The following CSNK2A2IP variants were observed in gnomAD, a reference collection of about 807,000 sequenced individuals.
The protein encoded by CSNK2A2IP is casein kinase 2 subunit alpha' interacting protein.
chr3:88,444,422 G>T, the CSNK2A2IP span, among the ~76,000 whole-genome samples: 3 of 152,130 alleles, frequency 2.0e-5, no homozygotes, highest in Non-Finnish European at 4.4e-5. Context: ...GCAAATTGCA[G>T]AAAACTGAAA....
At chr3:88,427,079 C>T in the CSNK2A2IP span, among the ~76,000 whole-genome samples, 4 of 152,236 alleles carry the variant, frequency 2.6e-5, no homozygotes, top group South Asian at 8.3e-4. Flanking sequence ...AAGTTTGAAA[C>T]TTCTTAGAGA....
At chr3:88,389,358 C>T in the CSNK2A2IP span, among the ~76,000 whole-genome samples, 1 of 152,108 alleles carries the variant, frequency 6.6e-6, no homozygotes, top group Non-Finnish European at 1.5e-5. Flanking sequence ...TGTAAAAGCC[C>T]TAAGGCTGGA....
chr3:88,382,611 C>T, the CSNK2A2IP span: 1 of 152,076 alleles, frequency 6.6e-6, no homozygotes, highest in Non-Finnish European at 1.5e-5. Context: ...CTTTTTCCAT[C>T]AAGAAAATAT....
At chr3:88,374,366 AT>A in the CSNK2A2IP span, among the ~76,000 whole-genome samples, 1 of 151,590 alleles carries the variant, frequency 6.6e-6, no homozygotes. Flanking sequence ...GTTTGATGGA[AT>A]GGTATTGTCT....
the CSNK2A2IP span, among the ~76,000 whole-genome samples, chr3:88,457,871 G>A: frequency 6.6e-6 from 1 of 151,718 alleles, no homozygotes; most frequent in African/African-American, 2.4e-5. Flanking sequence ...GGTCATCAAC[G>A]AAGTCATCAG....
At chr3:88,370,803 C>T in the CSNK2A2IP span, among the ~76,000 whole-genome samples, 2 of 151,598 alleles carry the variant, frequency 1.3e-5, no homozygotes, top group African/African-American at 4.8e-5. Flanking sequence ...ACCAATTAGT[C>T]CCAAGGAACT....
chr3:88,410,054 A>G, the CSNK2A2IP span, among the ~76,000 whole-genome samples: 1 of 152,076 alleles, frequency 6.6e-6, no homozygotes, highest in Non-Finnish European at 1.5e-5. Context: ...GACTAAATCA[A>G]TACATCAGAA....
the CSNK2A2IP span, among the ~76,000 whole-genome samples, chr3:88,345,834 G>A: frequency 3.3e-5 from 5 of 151,826 alleles, no homozygotes; most frequent in Non-Finnish European, 7.4e-5. Flanking sequence ...AGAGCTGCAC[G>A]TCTCTCACTT....
the CSNK2A2IP span, among the ~76,000 whole-genome samples, chr3:88,409,998 G>A: frequency 2.0e-5 from 3 of 152,162 alleles, no homozygotes; most frequent in Non-Finnish European, 2.9e-5. Context: ...ATCATTGTGT[G>A]TTACAAGAGA....
the CSNK2A2IP span, chr3:88,466,089 A>G: frequency 8.1e-7 from 1 of 1,231,546 alleles, no homozygotes. Flanking sequence ...TGAGTTCACC[A>G]TCACTCAACA....
At chr3:88,396,959 G>A in the CSNK2A2IP span, among the ~76,000 whole-genome samples, 1 of 152,172 alleles carries the variant, frequency 6.6e-6, no homozygotes, top group Admixed American at 6.5e-5. Context: ...GTTAGTGATA[G>A]CTTGAATATG....
At chr3:88,418,614 TA>T in the CSNK2A2IP span, among the ~76,000 whole-genome samples, 349 of 152,208 alleles carry the variant, frequency 2.3e-3, 11 homozygotes, top group East Asian at 0.058. Flanking sequence ...ACCCTTTCAT[TA>T]AAAAAAATTT....
chr3:88,359,608 T>C, the CSNK2A2IP span, among the ~76,000 whole-genome samples: 66,599 of 151,956 alleles, frequency 0.44, 15,848 homozygotes, highest in South Asian at 0.62. Flanking sequence ...TTCTTCTTAA[T>C]TTATTTAAAG....
the CSNK2A2IP span, among the ~76,000 whole-genome samples, chr3:88,448,865 T>A: frequency 6.6e-6 from 1 of 152,228 alleles, no homozygotes; most frequent in African/African-American, 2.4e-5. Flanking sequence ...GAGCTGGCTG[T>A]GTAACTGTTA....
At chr3:88,453,183 T>C in the CSNK2A2IP span, among the ~76,000 whole-genome samples, 1 of 152,098 alleles carries the variant, frequency 6.6e-6, no homozygotes, top group African/African-American at 2.4e-5. Context: ...AAAAGAGAGT[T>C]ATTCTCTTAG....
At chr3:88,423,726 G>T in the CSNK2A2IP span, among the ~76,000 whole-genome samples, 1 of 152,052 alleles carries the variant, frequency 6.6e-6, no homozygotes, top group East Asian at 1.9e-4. Flanking sequence ...TTCAAGTGCC[G>T]ATTTAAAAAA....
chr3:88,465,240 G>T, the CSNK2A2IP span: 1 of 516,394 alleles, frequency 1.9e-6, no homozygotes, highest in African/African-American at 2.0e-5. Context: ...CAAGATAAAA[G>T]CTAGCAACTG....
the CSNK2A2IP span, among the ~76,000 whole-genome samples, chr3:88,458,439 C>G: frequency 6.6e-6 from 1 of 152,146 alleles, no homozygotes; most frequent in Non-Finnish European, 1.5e-5. Context: ...GCGTAAGACA[C>G]CATGCCCAGC....
At chr3:88,404,106 GAA>G in the CSNK2A2IP span, among the ~76,000 whole-genome samples, 2 of 144,834 alleles carry the variant, frequency 1.4e-5, no homozygotes, top group African/African-American at 5.0e-5. Context: ...AGCAATATCA[GAA>G]AAAAAAAAAG....
Sources: gnomAD v4.1 joint callset for allele counts (sites outside exome capture counted in the v4.1 genomes callset) on GRCh38, gnomAD v4.1.1 for gene constraint, MANE v1.5 for transcripts, NCBI Gene and HGNC (gene_info 2026-07-23, HGNC 2026-07-21) for gene names.